The following TC2N variants were observed in gnomAD, a reference collection of about 807,000 sequenced individuals.
The protein encoded by TC2N is tandem C2 domains nuclear protein.
Under a neutral mutation model 61.9 loss-of-function variants are expected in TC2N, and 51 were observed. That is an observed-to-expected ratio of 0.82 (90% confidence interval 0.66 to 1.04). The LOEUF (loss-of-function observed/expected upper bound fraction) is 1.04. Among genes scored for constraint, TC2N ranks in the 50% least tolerant of loss-of-function variants. The pLI is 0.00. For missense variants in TC2N, 556 were observed against 566.7 expected (o/e 0.98, Z 0.19); for synonymous variants, 204 against 192.6 (o/e 1.06, Z -0.49).
intron 1 of TC2N, among the ~76,000 whole-genome samples, chr14:91,828,145 T>C (rs928434954): frequency 1.9e-4 from 29 of 152,178 alleles, no homozygotes; most frequent in Non-Finnish European, 3.7e-4. Context: ...GAAGGTATGT[T>C]GGTAGAAAAC....
At chr14:91,825,648 C>G (rs968384269) in intron 1 of TC2N, among the ~76,000 whole-genome samples, 2 of 152,138 alleles carry the variant, frequency 1.3e-5, no homozygotes, top group South Asian at 2.1e-4. Flanking sequence ...CTCTTTTTTA[C>G]TTTTGCACCT....
At chr14:91,790,808 A>G (rs1885604913) in intron 9 of TC2N, among the ~76,000 whole-genome samples, 1 of 152,138 alleles carries the variant, frequency 6.6e-6, no homozygotes, top group African/African-American at 2.4e-5. Context: ...TCATAGTTAC[A>G]GAACAGCACA....
intron 3 of TC2N, among the ~76,000 whole-genome samples, chr14:91,809,663 G>T (rs1886679748): frequency 6.6e-6 from 1 of 152,162 alleles, no homozygotes. Flanking sequence ...AACACGCAGG[G>T]TATATAAAAC....
At chr14:91,789,870 G>T (rs1243320934) in intron 9 of TC2N, among the ~76,000 whole-genome samples, 1 of 152,108 alleles carries the variant, frequency 6.6e-6, no homozygotes, top group Admixed American at 6.6e-5. Context: ...ATTCAGAAAA[G>T]AAAACATTGT....
At chr14:91,788,665 C>G (rs1299777667) in intron 9 of TC2N, among the ~76,000 whole-genome samples, 2 of 152,108 alleles carry the variant, frequency 1.3e-5, no homozygotes, top group Non-Finnish European at 2.9e-5. Flanking sequence ...AAACTCCAAC[C>G]TCTCCATATA....
chr14:91,854,457 G>C (rs1042282366), intron 1 of TC2N, among the ~76,000 whole-genome samples: 1 of 131,544 alleles, frequency 7.6e-6, no homozygotes, highest in African/African-American at 2.8e-5. Flanking sequence ...GATAGGAGAG[G>C]GGGAGGGGAA....
chr14:91,834,799 G>A (rs1489199388), intron 1 of TC2N, among the ~76,000 whole-genome samples: 1 of 152,072 alleles, frequency 6.6e-6, no homozygotes. Context: ...CTCTTCCTCA[G>A]ACTCCTTGGC....
intron 1 of TC2N, among the ~76,000 whole-genome samples, chr14:91,857,392 C>A (rs1595279519): frequency 6.6e-6 from 1 of 152,256 alleles, no homozygotes; most frequent in Middle Eastern, 3.4e-3. Context: ...CCACTTTAGT[C>A]TCCCAAGTCC....
intron 1 of TC2N, among the ~76,000 whole-genome samples, chr14:91,817,370 G>A (rs1300482106): frequency 2.6e-5 from 4 of 151,502 alleles, no homozygotes; most frequent in East Asian, 1.9e-4. Context: ...AAAATACTCC[G>A]TAACCACCCA....
intron 3 of TC2N, among the ~76,000 whole-genome samples, chr14:91,804,147 C>T (rs1389499836): frequency 2.6e-5 from 4 of 152,180 alleles, no homozygotes; most frequent in African/African-American, 4.8e-5. Flanking sequence ...AATACCACTA[C>T]ACACTCACCA....
intron 1 of TC2N, among the ~76,000 whole-genome samples, chr14:91,815,070 G>A (rs1490811428): frequency 6.6e-6 from 1 of 151,578 alleles, no homozygotes; most frequent in Admixed American, 6.6e-5. Context: ...AATAAAAACA[G>A]ACTAGGAGAA....
At chr14:91,786,911 T>C (rs1885392726) in intron 10 of TC2N, among the ~76,000 whole-genome samples, 1 of 152,222 alleles carries the variant, frequency 6.6e-6, no homozygotes, top group South Asian at 2.1e-4. Flanking sequence ...TTGTTGTTTT[T>C]CTAGCTTCTT....
At chr14:91,805,076 T>A (rs901466422) in intron 3 of TC2N, among the ~76,000 whole-genome samples, 2 of 152,234 alleles carry the variant, frequency 1.3e-5, no homozygotes, top group Non-Finnish European at 2.9e-5. Context: ...ATTCTCTGTA[T>A]AACAACATTG....
Position 91,785,267 on chromosome 14 carries a change from C to T in TC2N, c.1257G>A (p.Trp419Ter), listed in dbSNP as rs1400639900. 1.9e-6 allele frequency: 3 copies of T among 1,613,040 alleles called. No individual in the cohort carries two copies. Among genetic ancestry groups the T allele is most frequent in the South Asian group, 2.2e-5 (2 of 91,038 alleles). ...TAAGTGGAAAAATCATAGTCTCTCC[C>T]CACTTGACTCTTCCATTGGAGGCCT... ...LLKASNGRVK[W>*]GETMIFPLIQ... The change falls in exon 11 of 12, where the codon TGG becomes TGA. Residue 419 changes from tryptophan (W) to a stop codon, truncating the protein, a stop_gained. Transcript: ENST00000435962. LOFTEE classifies it high-confidence loss of function.
At chr14:91,808,787 A>G (rs1056381412) in intron 3 of TC2N, among the ~76,000 whole-genome samples, 28 of 152,184 alleles carry the variant, frequency 1.8e-4, no homozygotes, top group Middle Eastern at 3.2e-3. Flanking sequence ...TTTTCTGATT[A>G]TGAAAATAAT....
chr14:91,849,165 G>A (rs968195961), intron 1 of TC2N, among the ~76,000 whole-genome samples: 3 of 152,130 alleles, frequency 2.0e-5, no homozygotes, highest in Admixed American at 2.0e-4. Context: ...CTCATCATGA[G>A]GACCACTCTT....
At chr14:91,858,355 G>T (rs1367592299) in intron 1 of TC2N, among the ~76,000 whole-genome samples, 3 of 151,964 alleles carry the variant, frequency 2.0e-5, no homozygotes, top group Non-Finnish European at 4.4e-5. Flanking sequence ...ATCTTCAGCA[G>T]GTTACAAAAG....
At chr14:91,861,331 T>G (rs929310213) in intron 1 of TC2N, among the ~76,000 whole-genome samples, 1 of 152,232 alleles carries the variant, frequency 6.6e-6, no homozygotes, top group African/African-American at 2.4e-5. Context: ...AGCTATGGCT[T>G]TGCTCAGGAA....
chr14:91,793,797 T>C (rs766447759), intron 8 of TC2N, among the ~76,000 whole-genome samples: 7 of 152,106 alleles, frequency 4.6e-5, no homozygotes, highest in Non-Finnish European at 8.8e-5. Context: ...GGCCAATTAA[T>C]AACCCTAAAA....
Sources: allele counts gnomAD v4.1 joint callset (sites outside exome capture counted in the v4.1 genomes callset), GRCh38; gene constraint gnomAD v4.1.1; transcripts MANE v1.5; gene names NCBI Gene and HGNC (gene_info 2026-07-23, HGNC 2026-07-21).